Variants in AIG1 observed in about 807,000 individuals in gnomAD.
The protein encoded by AIG1 is androgen induced 1, also known as androgen-induced gene 1 protein.
In AIG1, 23 loss-of-function variants were observed where a neutral mutation model predicts 31.4. The ratio of observed to expected loss-of-function variants is 0.73; its 90% CI spans 0.53 to 1.04. The LOEUF (loss-of-function observed/expected upper bound fraction) is 1.04, where lower values mean the gene tolerates loss of function less well. AIG1 is among the 50% of genes least tolerant of loss of function. The pLI is 0.00. For synonymous variants in AIG1, 100 were observed against 110.5 expected (o/e 0.90, Z 0.60); for missense variants, 274 against 295.0 (o/e 0.93, Z 0.52).
Position 143,336,883 on chromosome 6 carries a change from A to G in AIG1, c.680-2756A>G, listed in dbSNP as rs555111721. On this transcript the variant is annotated intron_variant, in intron 5 of 5. Coordinates refer to ENST00000357847, the MANE Select transcript of AIG1 (RefSeq NM_016108.4). ...CAAAACAGAATGGTGGGACAGGCAT[A>G]GAATATACATTCCCATTCTGTAAGG... 1.2e-4 allele frequency among the ~76,000 whole-genome samples: 18 copies of G among 152,358 alleles called. No individual in the cohort carries two copies. The East Asian group carries it at 3.5e-3, about 29-fold the overall frequency.
intron 1 of AIG1, among the ~76,000 whole-genome samples, chr6:143,115,599 C>T (rs1781663721): frequency 1.3e-5 from 2 of 152,192 alleles, no homozygotes; most frequent in Admixed American, 6.5e-5. Flanking sequence ...AGTCACTCTA[C>T]CTCTCATAGT....
chr6:143,319,558 A>G (rs1776036205), intron 4 of AIG1, among the ~76,000 whole-genome samples: 2 of 152,204 alleles, frequency 1.3e-5, no homozygotes, highest in South Asian at 4.1e-4. Flanking sequence ...ACAAAATCTT[A>G]GAAATCACCA....
At chr6:143,311,088 C>CA (rs1156735207) in intron 4 of AIG1, among the ~76,000 whole-genome samples, 8 of 151,924 alleles carry the variant, frequency 5.3e-5, no homozygotes, top group Admixed American at 2.6e-4. Context: ...CCTCCTAACT[C>CA]ATTCTCTGAG....
At chr6:143,282,156 A>G (rs1251902236) in intron 3 of AIG1, among the ~76,000 whole-genome samples, 2 of 152,228 alleles carry the variant, frequency 1.3e-5, no homozygotes, top group African/African-American at 4.8e-5. Context: ...ATATTTATTT[A>G]AAAATGGAGG....
rs1289749321 is a variant in AIG1, at chr6:143,189,221, A to C, written c.399+24038A>C. Reference sequence around the variant, plus strand: ...ACCACCCCTGGCTACTTTTTTAAAAATTTTTTTGTAGAGACAATGGGCTCA... The same window carrying C: ...ACCACCCCTGGCTACTTTTTTAAAACTTTTTTTGTAGAGACAATGGGCTCA... On this transcript the variant is annotated intron_variant, in intron 3 of 5. Transcript: ENST00000357847. 5.5e-5 allele frequency: 24 copies of C among 432,990 alleles called. No homozygotes were observed. In the East Asian group the frequency reaches 3.8e-3, roughly 68 times the overall value. 26.8% of individuals were successfully genotyped at this position (432,990 alleles called of 1,614,324 possible).
chr6:143,199,430 T>A (rs1790516799), intron 3 of AIG1, among the ~76,000 whole-genome samples: 1 of 152,064 alleles, frequency 6.6e-6, no homozygotes, highest in Non-Finnish European at 1.5e-5. Context: ...GGATGATGGG[T>A]TCATGGGGGT....
chr6:143,249,966 G>T (rs1335154113), intron 3 of AIG1, among the ~76,000 whole-genome samples: 1 of 152,258 alleles, frequency 6.6e-6, no homozygotes, highest in African/African-American at 2.4e-5. Context: ...GACCAGGAAA[G>T]TGGAATACTG....
At chr6:143,245,603 A>G (rs1406030676) in intron 3 of AIG1, among the ~76,000 whole-genome samples, 2 of 152,234 alleles carry the variant, frequency 1.3e-5, no homozygotes, top group African/African-American at 4.8e-5. Flanking sequence ...AAAAGAAATA[A>G]ACAAGTTTGG....
intron 1 of AIG1, among the ~76,000 whole-genome samples, chr6:143,131,916 A>C (rs1397453397): frequency 2.0e-5 from 3 of 152,226 alleles, no homozygotes; most frequent in African/African-American, 4.8e-5. Context: ...CTAATACATT[A>C]GCTGATCCCC....
rs780642817 is a variant in AIG1, at chr6:143,258,733, T to G, written c.400-25377T>G. On this transcript the variant is annotated intron_variant, in intron 3 of 5. Transcript: ENST00000357847. This position sits in a 1 kb window ranked among gnomAD's most constrained non-coding sequence, Gnocchi z 4.7. ...AGGAACAATTGTGAAAAAAGTCTTA[T>G]ATTCTAGACCCACCCCCTGTCAAAA... Among the ~76,000 whole-genome samples the G allele has an allele frequency of 6.6e-6, 1 of 152,196 alleles. No homozygotes were observed. The highest frequency in any genetic ancestry group is 1.5e-5 in the Non-Finnish European group (1 of 68,038).
At chr6:143,273,227 C>T (rs9285499) in intron 3 of AIG1, among the ~76,000 whole-genome samples, 51,116 of 152,086 alleles carry the variant, frequency 0.34, 10,363 homozygotes, top group East Asian at 0.76. Context: ...CTGATATCTA[C>T]GAATAAGTGG....
chr6:143,183,445 T>C (rs1205212623), intron 3 of AIG1, among the ~76,000 whole-genome samples: 9 of 152,154 alleles, frequency 5.9e-5, no homozygotes. Flanking sequence ...CCGCTTGACT[T>C]GGCCTCCCAA....
chr6:143,131,904 A>T (rs962545842), intron 1 of AIG1, among the ~76,000 whole-genome samples: 4 of 152,188 alleles, frequency 2.6e-5, no homozygotes, highest in African/African-American at 9.6e-5. Flanking sequence ...AGCAATGGAC[A>T]ACTAATACAT....
intron 3 of AIG1, among the ~76,000 whole-genome samples, chr6:143,252,057 C>G (rs1795047254): frequency 6.6e-6 from 1 of 152,180 alleles, no homozygotes; most frequent in African/African-American, 2.4e-5. Flanking sequence ...ACCATCCATT[C>G]TGCCAGACTT....
chr6:143,239,031 T>C (rs1794021906), intron 3 of AIG1, among the ~76,000 whole-genome samples: 3 of 152,154 alleles, frequency 2.0e-5, no homozygotes, highest in Admixed American at 6.5e-5. Context: ...GAAACAAAGA[T>C]GACTAAGACA....
upstream of AIG1, chr6:143,060,881 C>G (rs370294007): frequency 8.1e-6 from 11 of 1,362,990 alleles, no homozygotes; most frequent in Non-Finnish European, 9.6e-6. Flanking sequence ...GCCTCCCTCA[C>G]GCCCGCCCTC....
At chr6:143,146,353 G>C (rs575810384) in intron 2 of AIG1, among the ~76,000 whole-genome samples, 2 of 152,074 alleles carry the variant, frequency 1.3e-5, no homozygotes, top group Non-Finnish European at 2.9e-5. Context: ...TCAACAATGT[G>C]ACCCGCAAAA....
At chr6:143,238,403 A>G (rs549222427) in intron 3 of AIG1, among the ~76,000 whole-genome samples, 1 of 152,226 alleles carries the variant, frequency 6.6e-6, no homozygotes, top group Non-Finnish European at 1.5e-5. Context: ...GACTTTCTTC[A>G]TACTATGGCA....
intron 3 of AIG1, among the ~76,000 whole-genome samples, chr6:143,166,149 G>T (rs534634427): frequency 6.6e-6 from 1 of 152,242 alleles, no homozygotes; most frequent in East Asian, 1.9e-4. Flanking sequence ...CTGTACTGAA[G>T]GGTTTTGATC....
Sources: allele counts gnomAD v4.1 joint callset (sites outside exome capture counted in the v4.1 genomes callset), GRCh38; gene constraint gnomAD v4.1.1; non-coding constraint Gnocchi (gnomAD v3.1); transcripts MANE v1.5; gene names NCBI Gene and HGNC (gene_info 2026-07-23, HGNC 2026-07-21).